Variants in SNX1 observed in about 807,000 individuals in gnomAD.
SNX1 encodes the protein sorting nexin-1.
In SNX1, 36 loss-of-function variants were observed where a neutral mutation model predicts 71.8. The observed-to-expected ratio is 0.50, with a 90% CI of 0.38 to 0.66. The LOEUF (loss-of-function observed/expected upper bound fraction) is 0.66, where lower values mean the gene tolerates loss of function less well. Among genes scored for constraint, SNX1 ranks in the 30% least tolerant of loss-of-function variants. SNX1 has a pLI of 0.00. For synonymous variants in SNX1, 254 were observed against 240.7 expected, an observed-to-expected ratio of 1.06 and a Z score of -0.51; for missense variants, 612 against 646.7, an observed-to-expected ratio of 0.95 and a Z score of 0.58.
chr15:64,101,220 A>T (rs1291894132), intron 1 of SNX1, among the ~76,000 whole-genome samples: 3 of 152,234 alleles, frequency 2.0e-5, no homozygotes, highest in Non-Finnish European at 2.9e-5. Context: ...TGTGTAACAG[A>T]GATCCAAAAC....
chr15:64,130,382 ATG>A, intron 10 of SNX1, 61 bp downstream of exon 10: 2 of 1,288,556 alleles, frequency 1.6e-6, no homozygotes, highest in Non-Finnish European at 2.3e-6. Flanking sequence ...TGAACTGGAG[ATG>A]CGAGGGCATG....
chr15:64,135,331 A>G (rs1266583022), intron 12 of SNX1, among the ~76,000 whole-genome samples: 1 of 149,268 alleles, frequency 6.7e-6, no homozygotes, highest in African/African-American at 2.5e-5. Flanking sequence ...CGATCTCCTG[A>G]CCTTGTGATC....
intron 4 of SNX1, 60 bp downstream of exon 4, chr15:64,118,914 C>A: frequency 7.5e-7 from 1 of 1,336,590 alleles, no homozygotes. Flanking sequence ...GCATAGGTAG[C>A]TAATTTCAGG....
At chr15:64,116,776 T>G (rs1226196103) in intron 2 of SNX1, among the ~76,000 whole-genome samples, 2 of 152,230 alleles carry the variant, frequency 1.3e-5, no homozygotes, top group Non-Finnish European at 2.9e-5. Flanking sequence ...AAGTTGAAAG[T>G]GCATTCTTTT....
In SNX1 at chr15:64,134,403, CCACCTACTGGATCCCTGCCAT is replaced by C; in HGVS notation, c.1222-259_1222-239del. 2.1e-6 allele frequency: 1 copy of C among 468,744 alleles called. No homozygotes were observed. The highest frequency in any genetic ancestry group is 3.8e-6 in the Non-Finnish European group (1 of 260,440). 29.0% of individuals were successfully genotyped at this position (468,744 alleles called of 1,614,324 possible). On this transcript the variant is annotated intron_variant, in intron 11 of 14. Coordinates refer to ENST00000559844, the MANE Select transcript of SNX1 (RefSeq NM_003099.5). This position sits in a 1 kb window ranked among gnomAD's most constrained non-coding sequence, Gnocchi z 4.1. Reference sequence around the variant, plus strand: ...CATAGTATTGGTCACTGGCATGAGGCCACCTACTGGATCCCTGCCATCCAGCCCTGGGAGTAGCATGAAGCA... The same window carrying C: ...CATAGTATTGGTCACTGGCATGAGGCCCAGCCCTGGGAGTAGCATGAAGCA...
rs141205953 is a variant in SNX1 at position 64,097,533 on chromosome 15, G to A, written c.159+1361G>A. Among the ~76,000 whole-genome samples the A allele has an allele frequency of 6.2e-3, 944 of 152,226 alleles. 5 individuals are homozygous for A. Among genetic ancestry groups the A allele is most frequent in the Non-Finnish European group, 0.011 (737 of 68,016 alleles). ...GTTTTTCCTTGATTCAGCATGAATTGCCCTTAAGTTCCCTGCCTCCAGACC... is the reference window on the plus strand; with the variant it reads ...GTTTTTCCTTGATTCAGCATGAATTACCCTTAAGTTCCCTGCCTCCAGACC... On this transcript the variant is annotated intron_variant, in intron 1 of 14. Transcript: ENST00000559844.
At chr15:64,122,047 T>C (rs1293726578) in intron 4 of SNX1, among the ~76,000 whole-genome samples, 1 of 152,238 alleles carries the variant, frequency 6.6e-6, no homozygotes, top group Non-Finnish European at 1.5e-5. Flanking sequence ...GTGCTCTCTA[T>C]GTACATGCAG....
chr15:64,121,891 C>T (rs565171112), intron 4 of SNX1, among the ~76,000 whole-genome samples: 3 of 152,294 alleles, frequency 2.0e-5, no homozygotes, highest in Non-Finnish European at 2.9e-5. Flanking sequence ...TTCCTGCACA[C>T]GTCTAAATAA....
intron 1 of SNX1, among the ~76,000 whole-genome samples, chr15:64,104,365 C>T (rs998632260): frequency 3.3e-5 from 5 of 151,140 alleles, no homozygotes; most frequent in East Asian, 2.0e-4. Flanking sequence ...CTCTGCCTCC[C>T]GGGTTCATGC....
chr15:64,135,003 C>T (rs2081343576), intron 12 of SNX1, 196 bp downstream of exon 12: 1 of 622,358 alleles, frequency 1.6e-6, no homozygotes, highest in South Asian at 2.4e-5. Context: ...TTTTTCTACT[C>T]TACGCAGACT....
At position 64,141,120 on chromosome 15, in the gene SNX1, C is replaced by T. The variant is rs571582412; in HGVS notation, c.*3502C>T. On this transcript the variant is annotated 3_prime_UTR_variant, in exon 15 of 15. Transcript: ENST00000559844. The surrounding 1 kb of genome is among the most constrained non-coding windows in gnomAD (Gnocchi z 5.1). ...AAATAGATACTAAAAATCATGAATT[C>T]ACACTGATGCTTTGAGACCAGCCCT... 15 of 152,332 alleles carry T rather than the reference C, an allele frequency of 9.8e-5. No homozygotes were observed. Among genetic ancestry groups the T allele is most frequent in the African/African-American group, 3.6e-4 (15 of 41,568 alleles). 9.4% of individuals were successfully genotyped at this position (152,332 alleles called of 1,614,324 possible).
intron 10 of SNX1, among the ~76,000 whole-genome samples, chr15:64,130,645 A>G (rs900027009): frequency 2.0e-5 from 3 of 152,230 alleles, no homozygotes; most frequent in Admixed American, 6.5e-5. Flanking sequence ...CTTGAGCTAC[A>G]TGGTCAAACC....
rs1295590819 is a variant in SNX1 at position 64,138,323 on chromosome 15, CTCT to C, written c.*707_*709del. 83 of 694,054 alleles carry C rather than the reference CTCT, an allele frequency of 1.2e-4. No individual in the cohort carries two copies. The highest frequency in any genetic ancestry group is 6.5e-4 in the African/African-American group (31 of 47,862). 43.0% of individuals were successfully genotyped at this position (694,054 alleles called of 1,614,324 possible). ...CAAAGGAGGCAGAGACTTTCTCTCT[CTCT>C]TTTTTTTTTTTTTTTGGTGTCCCTA... On this transcript the variant is annotated 3_prime_UTR_variant, in exon 15 of 15. Transcript: ENST00000559844.
In SNX1 at chr15:64,130,329, G is replaced by T. The variant is rs541934300; in HGVS notation, c.1015+8G>T. 42 of 1,607,122 alleles carry T rather than the reference G, an allele frequency of 2.6e-5. 1 individual carries two copies. In the South Asian group the frequency reaches 4.0e-4, roughly 15 times the overall value. ...TAGTCAACCATAGGAAAGGTAACAA[G>T]CTCTGAAATGCACTTGGAGCTAGGG... is the stretch of plus-strand genomic sequence containing the variant. On this transcript the variant is annotated splice_region_variant and intron_variant, in intron 10 of 14. Transcript: ENST00000559844.
At position 64,127,667 on chromosome 15, in the gene SNX1, G is replaced by C. The variant is rs923151161; in HGVS notation, c.732-64G>C. 21 of 1,199,376 alleles carry C rather than the reference G, an allele frequency of 1.8e-5. No homozygotes were observed. The Admixed American group carries it at 3.0e-4, about 17-fold the overall frequency. 74.3% of individuals were successfully genotyped at this position (1,199,376 alleles called of 1,614,324 possible). A position where few individuals can be genotyped will look rare whatever the true frequency, so the allele number is the denominator to read the frequency against. ...AAGACATGGTATCACTGCCAGCACT[G>C]TGTGACGCCCAGAACCTTCTGAGGC... On this transcript the variant is annotated intron_variant, in intron 7 of 14. Transcript: ENST00000559844.
Position 64,110,873 on chromosome 15 carries a change from G to T in SNX1, c.160-1700G>T, listed in dbSNP as rs148186843. Among the ~76,000 whole-genome samples, 27 of 152,350 alleles carry T rather than the reference G, an allele frequency of 1.8e-4. 1 individual carries two copies. In the East Asian group the frequency reaches 5.0e-3, roughly 28 times the overall value. ...CATTAACCTTCCAAGTTAAGTGGTG[G>T]ATCAGAAATGGAAAGCTGGCTTTAT... On this transcript the variant is annotated intron_variant, in intron 1 of 14. Transcript: ENST00000559844.
At position 64,129,752 on chromosome 15, in the gene SNX1, T is replaced by C; in HGVS notation, c.808-164T>C. The C allele has an allele frequency of 1.7e-6, 1 of 580,656 alleles. No homozygotes were observed. The highest frequency in any genetic ancestry group is 3.1e-6 in the Non-Finnish European group (1 of 324,364). 36.0% of individuals were successfully genotyped at this position (580,656 alleles called of 1,614,324 possible). On this transcript the variant is annotated intron_variant, in intron 8 of 14. Coordinates refer to ENST00000559844, the MANE Select transcript of SNX1 (RefSeq NM_003099.5). This position sits in a 1 kb window ranked among gnomAD's most constrained non-coding sequence, Gnocchi z 4.4. ...AACATGGTTCTTTGATTTTTCTGTA[T>C]GGACATGTTAGTTGTGGATTCCTCA...
In SNX1 at chr15:64,142,604, T is replaced by C; in HGVS notation, c.*4986T>C. On this transcript the variant is annotated 3_prime_UTR_variant, in exon 15 of 15. Coordinates refer to ENST00000559844, the MANE Select transcript of SNX1 (RefSeq NM_003099.5). ...AGGCCGAAGAGGGGAAGTTTCATGCTTGATAATTAAAATTTTCTGAGATAG... is the reference window on the plus strand; with the variant it reads ...AGGCCGAAGAGGGGAAGTTTCATGCCTGATAATTAAAATTTTCTGAGATAG... 2.2e-6 allele frequency: 1 copy of C among 455,936 alleles called. No homozygotes were observed. The highest frequency in any genetic ancestry group is 4.4e-6 in the Non-Finnish European group (1 of 226,760). The allele number at this position is 455,936 out of a possible 1,614,324, so 28.2% of individuals were successfully genotyped here.
chr15:64,131,986 C>A, intron 11 of SNX1, 94 bp downstream of exon 11: 4 of 1,301,970 alleles, frequency 3.1e-6, no homozygotes, highest in Admixed American at 3.7e-5. Context: ...CCCATTATAG[C>A]TTGTAAATAG....
Sources: gnomAD v4.1 joint callset for allele counts (sites outside exome capture counted in the v4.1 genomes callset) on GRCh38, gnomAD v4.1.1 for gene constraint, Gnocchi (gnomAD v3.1) non-coding constraint, MANE v1.5 for transcripts, NCBI Gene and HGNC (gene_info 2026-07-23, HGNC 2026-07-21) for gene names.